COL11A1: variants seen among roughly 807,000 people sequenced by gnomAD.
The protein encoded by COL11A1 is collagen alpha-1(XI) chain.
Under a neutral mutation model 265.2 loss-of-function variants are expected in COL11A1, and 74 were observed. The observed-to-expected ratio is 0.28, with a 90% CI of 0.23 to 0.34. COL11A1 has a LOEUF of 0.34. Ranked by LOEUF, COL11A1 falls within the 10% of genes least tolerant of loss-of-function variation. The probability of loss-of-function intolerance (pLI) is 1.00; values close to 1 mark genes in which losing one functional copy is unlikely to be tolerated. For missense variants in COL11A1, 2,165 were observed against 2,263.6 expected (o/e 0.96, Z 0.88); for synonymous variants, 816 against 727.6 (o/e 1.12, Z -1.96).
intron 4 of COL11A1, among the ~76,000 whole-genome samples, chr1:103,032,990 C>T (rs1037398170): frequency 2.6e-5 from 4 of 152,102 alleles, no homozygotes; most frequent in African/African-American, 9.7e-5. Context: ...AATTTCATGA[C>T]ACCTAAAAGT....
intron 49 of COL11A1, among the ~76,000 whole-genome samples, chr1:102,916,743 A>G (rs12125550): frequency 0.092 from 13,928 of 151,968 alleles, 734 homozygotes; most frequent in Middle Eastern, 0.13. Context: ...TCCAGAGTTT[A>G]TTATAAGTAG....
chr1:103,039,783 G>C lies in COL11A1; in HGVS notation c.652-8539C>G, dbSNP rs555228765. On this transcript the variant is annotated intron_variant, in intron 4 of 66. Coordinates refer to ENST00000370096, the MANE Select transcript of COL11A1 (RefSeq NM_001854.4). ...CGTCTGAAGTTCTGTCTTTGTAACAGAGCAAAGGTCATTTCAATTGAAAAA... is the reference window on the plus strand; with the variant it reads ...CGTCTGAAGTTCTGTCTTTGTAACACAGCAAAGGTCATTTCAATTGAAAAA... Among the ~76,000 whole-genome samples the C allele has an allele frequency of 5.9e-5, 9 of 151,616 alleles. 1 individual carries two copies. In the South Asian group the frequency reaches 1.9e-3, roughly 32 times the overall value.
chr1:103,022,913 T>C lies in COL11A1; in HGVS notation c.1074A>G (p.Thr358=). The part of the protein sequence containing the change: ...YDSQRKNSED[T]LYENKEIDGR... The stretch of plus-strand genomic sequence containing the variant: ...CGTCTATTTCTTTGTTTTCATATAG[T>C]GTATCCTCAGAATTTTTCCTCTGGG... The change falls in exon 8 of 67, where the codon ACA becomes ACG. Residue 358 remains threonine, a synonymous_variant. Coordinates refer to ENST00000370096, the MANE Select transcript of COL11A1 (RefSeq NM_001854.4). 1 of 1,613,816 alleles carries C rather than the reference T, an allele frequency of 6.2e-7. No individual in the cohort carries two copies. The highest frequency in any genetic ancestry group is 8.5e-7 in the Non-Finnish European group (1 of 1,179,894).
chr1:102,933,446 T>G (rs7523377), intron 46 of COL11A1, among the ~76,000 whole-genome samples: 2 of 151,246 alleles, frequency 1.3e-5, no homozygotes, highest in Non-Finnish European at 3.0e-5. Flanking sequence ...GCAGTCTGCC[T>G]GTTCTCAGAT....
intron 4 of COL11A1, among the ~76,000 whole-genome samples, chr1:103,069,180 A>C (rs1262208807): frequency 6.6e-6 from 1 of 151,410 alleles, no homozygotes; most frequent in East Asian, 1.9e-4. Context: ...CTAAAACTAC[A>C]GTAATCAAGA....
chr1:102,914,834 AAAG>A (rs763064580), intron 50 of COL11A1, 23 bp from the exon 51 acceptor site: 25 of 1,555,330 alleles, frequency 1.6e-5, no homozygotes, highest in Admixed American at 8.8e-5. Flanking sequence ...AAAAAAAAAA[AAAG>A]AAGAAGAAGG....
chr1:102,959,412 C>T (rs1660674246), intron 41 of COL11A1, among the ~76,000 whole-genome samples: 1 of 32,254 alleles, frequency 3.1e-5, no homozygotes, highest in African/African-American at 8.1e-5. Context: ...TCTCGCTCTT[C>T]AACGATTTTG....
At chr1:103,097,859 C>A (rs1026615936) in intron 1 of COL11A1, among the ~76,000 whole-genome samples, 3 of 151,952 alleles carry the variant, frequency 2.0e-5, no homozygotes, top group African/African-American at 7.2e-5. Context: ...GCACTTAACA[C>A]AGTGATTAAC....
intron 62 of COL11A1, 99 bp downstream of exon 62, chr1:102,888,478 G>T: frequency 1.8e-6 from 2 of 1,129,594 alleles, no homozygotes; most frequent in Non-Finnish European, 2.7e-6. Flanking sequence ...AGCACTTTTG[G>T]CAGAATGTGC....
At chr1:103,071,596 A>G (rs2102265292) in intron 4 of COL11A1, among the ~76,000 whole-genome samples, 1 of 147,656 alleles carries the variant, frequency 6.8e-6, no homozygotes, top group Admixed American at 7.0e-5. Flanking sequence ...TCTAATCTCT[A>G]CAAGGTAATT....
At chr1:102,883,676 T>C (rs1445747092) in intron 63 of COL11A1, among the ~76,000 whole-genome samples, 1 of 152,162 alleles carries the variant, frequency 6.6e-6, no homozygotes, top group Non-Finnish European at 1.5e-5. Flanking sequence ...CCAAATCTCA[T>C]AAGTATTATT....
At chr1:103,019,745 C>T (rs562242478) in intron 9 of COL11A1, among the ~76,000 whole-genome samples, 1 of 119,490 alleles carries the variant, frequency 8.4e-6, no homozygotes, top group Admixed American at 9.7e-5. Context: ...CCCCTCCCCC[C>T]ACCCCACAAC....
intron 1 of COL11A1, among the ~76,000 whole-genome samples, chr1:103,100,934 T>C (rs944970122): frequency 6.6e-6 from 1 of 151,994 alleles, no homozygotes; most frequent in Non-Finnish European, 1.5e-5. Context: ...AGATTCTCTA[T>C]GAAAGTGCAT....
intron 54 of COL11A1, among the ~76,000 whole-genome samples, chr1:102,909,436 A>G (rs1278121069): frequency 4.6e-5 from 7 of 152,150 alleles, no homozygotes; most frequent in African/African-American, 7.2e-5. Flanking sequence ...GTATTCTTTT[A>G]TAGCAACACT....
chr1:102,992,112 G>T (rs995892328), intron 28 of COL11A1, among the ~76,000 whole-genome samples: 1 of 152,036 alleles, frequency 6.6e-6, no homozygotes, highest in Non-Finnish European at 1.5e-5. Flanking sequence ...TTTAAAGTGA[G>T]AATTCAGTCT....
intron 2 of COL11A1, among the ~76,000 whole-genome samples, chr1:103,081,450 G>A (rs1672407245): frequency 6.6e-6 from 1 of 151,600 alleles, no homozygotes. Context: ...TTTTTAAAAT[G>A]TTTTATGGAT....
chr1:102,914,016 G>T (rs1655012543), intron 52 of COL11A1, among the ~76,000 whole-genome samples: 1 of 152,096 alleles, frequency 6.6e-6, no homozygotes, highest in Non-Finnish European at 1.5e-5. Flanking sequence ...AATAGGATTT[G>T]CATTATAGAA....
chr1:103,070,271 GATC>G (rs942457344), intron 4 of COL11A1, among the ~76,000 whole-genome samples: 1 of 150,098 alleles, frequency 6.7e-6, no homozygotes, highest in Admixed American at 6.7e-5. Context: ...TAATTCTTAA[GATC>G]ATTATACTAA....
intron 5 of COL11A1, 116 bp from the exon 6 acceptor site, chr1:103,026,448 G>A: frequency 1.3e-6 from 1 of 742,258 alleles, no homozygotes; most frequent in Non-Finnish European, 2.4e-6. Flanking sequence ...AGAAATTAAT[G>A]TTATTGATGA....
Sources: gnomAD v4.1 joint callset for allele counts (sites outside exome capture counted in the v4.1 genomes callset) on GRCh38, gnomAD v4.1.1 for gene constraint, MANE v1.5 for transcripts, NCBI Gene and HGNC (gene_info 2026-07-23, HGNC 2026-07-21) for gene names.